MYO16: variants seen among roughly 807,000 people sequenced by gnomAD.
The protein encoded by MYO16 is myosin XVI, also known as unconventional myosin-XVI.
A neutral mutation model predicts 205.3 loss-of-function variants in MYO16; 94 were observed. The ratio of observed to expected loss-of-function variants is 0.46; its 90% confidence interval spans 0.39 to 0.54. MYO16 has a LOEUF of 0.54. MYO16 is among the 20% of genes least tolerant of loss of function. The pLI is 0.00. For missense variants in MYO16, 2,315 were observed against 2,387.5 expected, an observed-to-expected ratio of 0.97 and a Z score of 0.63; for synonymous variants, 988 against 954.0, an observed-to-expected ratio of 1.04 and a Z score of -0.66.
chr13:108,974,865 T>A (rs1341200483), intron 20 of MYO16, among the ~76,000 whole-genome samples: 2 of 152,236 alleles, frequency 1.3e-5, no homozygotes, highest in Non-Finnish European at 2.9e-5. Context: ...AAATATTCTC[T>A]GAGCCTGAAG....
At chr13:109,071,422 ATACTT>A (rs984663915) in intron 27 of MYO16, among the ~76,000 whole-genome samples, 5 of 152,180 alleles carry the variant, frequency 3.3e-5, no homozygotes, top group African/African-American at 9.6e-5. Flanking sequence ...AATGAGGAAA[ATACTT>A]TAATAGGAAA....
intron 31 of MYO16, among the ~76,000 whole-genome samples, chr13:109,130,404 T>A (rs1031592060): frequency 6.6e-6 from 1 of 152,240 alleles, no homozygotes; most frequent in African/African-American, 2.4e-5. Flanking sequence ...TGCTGGTTAC[T>A]TTACAACCAC....
chr13:108,599,660 TA>T (rs35266734), intron 1 of MYO16, among the ~76,000 whole-genome samples: 2 of 151,668 alleles, frequency 1.3e-5, no homozygotes, highest in African/African-American at 4.8e-5. Flanking sequence ...TCAAATGCAT[TA>T]AAAAAAATAT....
chr13:108,813,486 G>C (rs938279825), intron 7 of MYO16, among the ~76,000 whole-genome samples: 2 of 151,988 alleles, frequency 1.3e-5, no homozygotes, highest in Non-Finnish European at 2.9e-5. Context: ...ATGAGTGCTG[G>C]CTCCAAATAC....
intron 2 of MYO16, among the ~76,000 whole-genome samples, chr13:108,668,187 T>C (rs1374305148): frequency 2.6e-5 from 4 of 152,358 alleles, no homozygotes; most frequent in African/African-American, 7.2e-5. Context: ...TTATATAAGT[T>C]ACGTTTCCCC....
rs146088870 is a variant in MYO16, at chr13:108,773,007, C to A, written c.508-12628C>A. On this transcript the variant is annotated intron_variant, in intron 4 of 34. Transcript: ENST00000457511. ...TTCTGAAGGCTGGGAAATCCAAGAT[C>A]AAGTGCCAGATTTGATGTTTGGTGA... is the stretch of plus-strand genomic sequence containing the variant. 9.1e-4 allele frequency among the ~76,000 whole-genome samples: 138 copies of A among 152,268 alleles called. 3 individuals carry two copies. The East Asian group carries it at 0.016, about 18-fold the overall frequency.
intron 24 of MYO16, among the ~76,000 whole-genome samples, chr13:109,050,075 G>A (rs1887196176): frequency 6.6e-6 from 1 of 151,716 alleles, no homozygotes. Context: ...CATAACTTCA[G>A]TAAATTATCA....
intron 4 of MYO16, among the ~76,000 whole-genome samples, chr13:108,758,244 C>A (rs1416443603): frequency 6.6e-6 from 1 of 152,164 alleles, no homozygotes; most frequent in East Asian, 1.9e-4. Flanking sequence ...CTATAGTAGT[C>A]TGAATAAACT....
At position 109,143,124 on chromosome 13, in the gene MYO16, C is replaced by G. The variant is rs1877177796; in HGVS notation, c.5164+1748C>G. ...AGGATTGGAAGTAAACTTTGACCTACAGTGTAGTAACACTTTATGCATGCA... is the reference window on the plus strand; with the variant it reads ...AGGATTGGAAGTAAACTTTGACCTAGAGTGTAGTAACACTTTATGCATGCA... On this transcript the variant is annotated intron_variant, in intron 32 of 34. Coordinates refer to ENST00000457511, the MANE Select transcript of MYO16 (RefSeq NM_001198950.3). 2.0e-5 allele frequency among the ~76,000 whole-genome samples: 3 copies of G among 152,038 alleles called. No individual in the cohort carries two copies. The South Asian group carries it at 6.2e-4, about 32-fold the overall frequency.
At chr13:108,884,967 CAG>C (rs1410754494) in intron 13 of MYO16, among the ~76,000 whole-genome samples, 9 of 151,352 alleles carry the variant, frequency 5.9e-5, no homozygotes, top group Admixed American at 3.9e-4. Context: ...GATGCTGAGA[CAG>C]GGGCTCTCAT....
At chr13:108,601,790 T>G (rs1237367013) in intron 1 of MYO16, among the ~76,000 whole-genome samples, 2 of 152,116 alleles carry the variant, frequency 1.3e-5, no homozygotes, top group Admixed American at 1.3e-4. Flanking sequence ...TTTGGTTATG[T>G]GACCTTTATG....
chr13:108,778,902 C>T (rs1377915638), intron 4 of MYO16, among the ~76,000 whole-genome samples: 1 of 152,002 alleles, frequency 6.6e-6, no homozygotes, highest in East Asian at 2.0e-4. Context: ...AAGGACTTGG[C>T]CTTGGCTTAT....
intron 9 of MYO16, among the ~76,000 whole-genome samples, chr13:108,838,212 A>G (rs1273466244): frequency 6.6e-6 from 1 of 152,152 alleles, no homozygotes; most frequent in Non-Finnish European, 1.5e-5. Context: ...ACAAACAGAC[A>G]TTATAAAATA....
Position 108,688,785 on chromosome 13 carries a change from A to G in MYO16, c.292+22636A>G, listed in dbSNP as rs1388928754. On this transcript the variant is annotated intron_variant, in intron 2 of 34. Transcript: ENST00000457511. Reference sequence around the variant, plus strand: ...TTATTAAAGTGCTTCATGAAAATATATTTTAGAAAGACCGTCAATTTTGGA... The same window carrying G: ...TTATTAAAGTGCTTCATGAAAATATGTTTTAGAAAGACCGTCAATTTTGGA... Among the ~76,000 whole-genome samples, 3 of 152,318 alleles carry G rather than the reference A, an allele frequency of 2.0e-5. No individual in the cohort carries two copies. In the East Asian group the frequency reaches 5.8e-4, roughly 29 times the overall value.
chr13:108,770,507 A>T (rs995592528), intron 4 of MYO16, among the ~76,000 whole-genome samples: 1 of 152,184 alleles, frequency 6.6e-6, no homozygotes, highest in African/African-American at 2.4e-5. Context: ...AAAATCTGTG[A>T]ACTCCTCCTC....
chr13:108,530,738 T>C, the MYO16 span, among the ~76,000 whole-genome samples: 6 of 152,372 alleles, frequency 3.9e-5, no homozygotes, highest in South Asian at 1.2e-3. Flanking sequence ...TATAATGTTA[T>C]GTTATACTTT....
At chr13:108,506,780 C>G in the MYO16 span, among the ~76,000 whole-genome samples, 1 of 152,116 alleles carries the variant, frequency 6.6e-6, no homozygotes, top group East Asian at 1.9e-4. Flanking sequence ...AAAACACATT[C>G]AGTTTTTCAC....
intron 20 of MYO16, among the ~76,000 whole-genome samples, chr13:108,983,516 G>T (rs1450660987): frequency 2.6e-5 from 4 of 152,204 alleles, no homozygotes; most frequent in African/African-American, 9.7e-5. Context: ...AGCCAGGTTT[G>T]GTTGGCCATA....
rs1018626597 is a variant in MYO16, at chr13:109,162,749, G to A, written c.5165-2152G>A. Among the ~76,000 whole-genome samples, 50 of 152,020 alleles carry A rather than the reference G, an allele frequency of 3.3e-4. No homozygotes were observed. Among genetic ancestry groups the A allele is most frequent in the Non-Finnish European group, 6.8e-4 (46 of 68,014 alleles). On this transcript the variant is annotated intron_variant, in intron 32 of 34. Coordinates refer to ENST00000457511, the MANE Select transcript of MYO16 (RefSeq NM_001198950.3). The surrounding 1 kb of genome is among the most constrained non-coding windows in gnomAD (Gnocchi z 4.6). The stretch of plus-strand genomic sequence containing the variant: ...CCAATAAATAACTGAATTAAAGAGT[G>A]CAAAAATAAAATAGGTGAAAGCAAC...
Sources: allele counts gnomAD v4.1 joint callset (sites outside exome capture counted in the v4.1 genomes callset), GRCh38; gene constraint gnomAD v4.1.1; non-coding constraint Gnocchi (gnomAD v3.1); transcripts MANE v1.5; gene names NCBI Gene and HGNC (gene_info 2026-07-23, HGNC 2026-07-21).